GFUS: variants seen among roughly 807,000 people sequenced by gnomAD.
The protein encoded by GFUS is 3-5 epimerase/4-reductase.
Under a neutral mutation model 41.5 loss-of-function variants are expected in GFUS, and 42 were observed. The observed-to-expected ratio is 1.01, with a 90% CI of 0.79 to 1.31. The LOEUF (loss-of-function observed/expected upper bound fraction) is 1.31, where lower values mean the gene tolerates loss of function less well. GFUS is among the 50% of genes most tolerant of loss of function. The pLI, the probability that GFUS is intolerant of heterozygous loss-of-function variation, is 0.00. For synonymous variants in GFUS, 188 were observed against 173.4 expected (o/e 1.08, Z -0.66); for missense variants, 437 against 428.7 (o/e 1.02, Z -0.17).
At chr8:143,615,944 G>A (rs1412791401) in intron 3 of GFUS, 162 bp downstream of exon 3, 15 of 607,242 alleles carry the variant, frequency 2.5e-5, no homozygotes, top group Non-Finnish European at 4.0e-5. Context: ...GTGAGTGACT[G>A]GGGGTCCCTC....
intron 7 of GFUS, 100 bp from the exon 8 acceptor site, chr8:143,613,917 G>A (rs117356900): frequency 0.022 from 29,926 of 1,342,492 alleles, 451 homozygotes; most frequent in Non-Finnish European, 0.025. Flanking sequence ...GTTCAGTGGG[G>A]GCTCAGCCTG....
chr8:143,617,983 C>T (rs1402469694), upstream of GFUS: 1 of 152,328 alleles, frequency 6.6e-6, no homozygotes, highest in Non-Finnish European at 1.5e-5. Flanking sequence ...GTTGTCGTCC[C>T]AAGCACTTGC....
chr8:143,617,843 C>T (rs1829768994), upstream of GFUS: 1 of 152,150 alleles, frequency 6.6e-6, no homozygotes, highest in Non-Finnish European at 1.5e-5. Context: ...GGAGCCTCGC[C>T]GGCGCTGGGG....
intron 7 of GFUS, 35 bp from the exon 8 acceptor site, chr8:143,613,852 G>A: frequency 1.3e-6 from 2 of 1,549,052 alleles, no homozygotes; most frequent in South Asian, 2.4e-5. Context: ...GAGACCATGG[G>A]TATAGCCAAC....
chr8:143,614,494 C>A (rs746739387), intron 5 of GFUS, 41 bp from the exon 6 acceptor site: 1 of 1,584,486 alleles, frequency 6.3e-7, no homozygotes, highest in Non-Finnish European at 8.6e-7. Context: ...CCTGGGCCCG[C>A]GATCCCACCC....
Position 143,613,218 on chromosome 8 carries a change from G to C in GFUS, c.888C>G (p.Phe296Leu), listed in dbSNP as rs756303398. The change falls in exon 10 of 11, where the codon TTC (phenylalanine) becomes TTG (leucine). Residue 296 changes from phenylalanine to leucine, a missense_variant. By Grantham distance (22) the Phe-to-Leu change is conservative (BLOSUM62 0). Transcript: ENST00000425753. ...CACCCTGCTTGAAGGGTGTGAACCG[G>C]AAGTCGGGCAGGTAGGTCCTCAGCT... The part of the protein sequence containing the change: ...NSKLRTYLPD[F>L]RFTPFKQAVK... 5.0e-6 allele frequency: 8 copies of C among 1,613,916 alleles called. No homozygotes were observed. In the South Asian group the frequency reaches 6.6e-5, roughly 13 times the overall value.
chr8:143,613,407 G>C, intron 9 of GFUS, 112 bp from the exon 10 acceptor site: 1 of 1,479,562 alleles, frequency 6.8e-7, no homozygotes, highest in Non-Finnish European at 9.3e-7. Flanking sequence ...TCCTCCGCCT[G>C]CCAGGGTGAG....
Position 143,614,194 on chromosome 8 carries a change from C to A in GFUS, c.633G>T (p.Gly211=). The change falls in exon 7 of 11, where the codon GGG becomes GGT. Residue 211 remains glycine, a synonymous_variant. Transcript: ENST00000425753. ...AGTATATGAACTGCCTCCGCGGATT[C>A]CCTGTACCCCACACCGTCAGGGCCG... ...SGSALTVWGT[G]NPRRQFIYSL... The A allele has an allele frequency of 6.2e-7, 1 of 1,613,574 alleles. No homozygotes were observed. Among genetic ancestry groups the A allele is most frequent in the Non-Finnish European group, 8.5e-7 (1 of 1,180,024 alleles).
chr8:143,615,336 T>C (rs555163999), intron 3 of GFUS, among the ~76,000 whole-genome samples: 12 of 152,278 alleles, frequency 7.9e-5, no homozygotes, highest in African/African-American at 2.9e-4. Flanking sequence ...CCAGGATCAA[T>C]GGAGCCTGCG....
At position 143,612,706 on chromosome 8, in the gene GFUS, C is replaced by T. The variant is rs1587298349; in HGVS notation, c.*204G>A. 11 of 634,748 alleles carry T rather than the reference C, an allele frequency of 1.7e-5. No homozygotes were observed. Among genetic ancestry groups the T allele is most frequent in the Middle Eastern group, 4.2e-4 (1 of 2,370 alleles). The allele number at this position is 634,748 out of a possible 1,614,324, so 39.3% of individuals were successfully genotyped here. A position where few individuals can be genotyped will look rare whatever the true frequency, so the allele number is the denominator to read the frequency against. ...CAGGGGGCTGGTGTGGGGAGCAAAGCGCCGGGCCTGCCCGGGACCCTGGTT... is the reference window on the plus strand; with the variant it reads ...CAGGGGGCTGGTGTGGGGAGCAAAGTGCCGGGCCTGCCCGGGACCCTGGTT... On this transcript the variant is annotated 3_prime_UTR_variant, in exon 11 of 11. Coordinates refer to ENST00000425753, the MANE Select transcript of GFUS (RefSeq NM_003313.4).
At chr8:143,615,001 C>T (rs750428684) in intron 3 of GFUS, 86 bp from the exon 4 acceptor site, 58 of 1,524,030 alleles carry the variant, frequency 3.8e-5, no homozygotes, top group Non-Finnish European at 4.6e-5. Context: ...AGTGGAGACA[C>T]ACCCTGGCCC....
At chr8:143,615,504 G>A (rs1187538493) in intron 3 of GFUS, among the ~76,000 whole-genome samples, 2 of 152,176 alleles carry the variant, frequency 1.3e-5, no homozygotes, top group African/African-American at 4.8e-5. Flanking sequence ...GGGTGACAGG[G>A]CTCCTGGGCA....
intron 10 of GFUS, 35 bp from the exon 11 acceptor site, chr8:143,613,000 G>A: frequency 5.6e-6 from 9 of 1,602,882 alleles, no homozygotes; most frequent in East Asian, 4.5e-5. Context: ...CATGGACAGG[G>A]AGGGTCGGGG....
rs1364577193 is a variant in GFUS, at chr8:143,613,559, C to G, written c.775G>C (p.Val259Leu). The G allele has an allele frequency of 6.2e-7, 1 of 1,611,340 alleles. No individual in the cohort carries two copies. Among genetic ancestry groups the G allele is most frequent in the African/African-American group, 1.3e-5 (1 of 74,930 alleles). Residue 259 changes from valine (V) to leucine (L), a missense_variant, in exon 9 of 11, where the codon GTG (valine) becomes CTG (leucine). Val to Leu is a conservative substitution (Grantham distance 32). Transcript: ENST00000425753. ...CCATGGAAGTCCATGGCCTCCACCA[C>G]CGCCTCGGCTGCCTCCTTGATGGAG... ...EVSIKEAAEA[V>L]VEAMDFHGEV...
Position 143,613,547 on chromosome 8 carries a change from T to C in GFUS, c.787A>G (p.Met263Val). ...KEAAEAVVEA[M>V]DFHGEVTFDT... The stretch of plus-strand genomic sequence containing the variant: ...ACGGTGACTTCCCCATGGAAGTCCA[T>C]GGCCTCCACCACCGCCTCGGCTGCC... Residue 263 changes from methionine (M) to valine (V), a missense_variant, in exon 9 of 11, where the codon ATG becomes GTG. Coordinates refer to ENST00000425753, the MANE Select transcript of GFUS (RefSeq NM_003313.4). 1 of 1,611,162 alleles carries C rather than the reference T, an allele frequency of 6.2e-7. No individual in the cohort carries two copies. Among genetic ancestry groups the C allele is most frequent in the Admixed American group, 1.7e-5 (1 of 59,984 alleles).
Position 143,612,777 on chromosome 8 carries a change from G to A in GFUS, c.*133C>T. 1 of 1,146,952 alleles carries A rather than the reference G, an allele frequency of 8.7e-7. No homozygotes were observed. The highest frequency in any genetic ancestry group is 1.2e-6 in the Non-Finnish European group (1 of 809,122). 71.0% of individuals were successfully genotyped at this position (1,146,952 alleles called of 1,614,324 possible). On this transcript the variant is annotated 3_prime_UTR_variant, in exon 11 of 11. Coordinates refer to ENST00000425753, the MANE Select transcript of GFUS (RefSeq NM_003313.4). ...TGGGGGCCCCACTGGAAAGATGCTT[G>A]GGGCTGCAGAGCGGATGGAATGCAG...
Position 143,613,799 on chromosome 8 carries a change from TAA to T in GFUS, c.680_681del (p.Phe227TyrfsTer9). 1 of 1,550,640 alleles carries T rather than the reference TAA, an allele frequency of 6.4e-7. No homozygotes were observed. The highest frequency in any genetic ancestry group is 8.7e-7 in the Non-Finnish European group (1 of 1,146,952). On this transcript the variant is annotated frameshift_variant, in exon 8 of 11. Transcript: ENST00000425753. LOFTEE classifies it high-confidence loss of function. Reference sequence around the variant, plus strand: ...TCATTGTACTCCCGCAGGACCCAGATAAAGAGCTGGGCCAGGTCCTAGAGGTC... The same window carrying T: ...TCATTGTACTCCCGCAGGACCCAGATAGAGCTGGGCCAGGTCCTAGAGGTC... ...FIYSLDLAQLFIWVLREYNEV... is the reference protein window; with the variant it reads ...FIYSLDLAQLXIWVLREYNEV...
intron 7 of GFUS, 123 bp from the exon 8 acceptor site, chr8:143,613,940 C>A: frequency 8.2e-7 from 1 of 1,225,128 alleles, no homozygotes. Context: ...GAACAGGGGT[C>A]CCTCCTTTCT....
rs774995456 is a variant in GFUS, at chr8:143,613,757, G to A, written c.724C>T (p.Leu242Phe). 5 of 1,551,254 alleles carry A rather than the reference G, an allele frequency of 3.2e-6. No individual in the cohort carries two copies. The South Asian group carries it at 4.8e-5, about 15-fold the overall frequency. The change falls in exon 8 of 11, where the codon CTC becomes TTC. Residue 242 changes from leucine to phenylalanine, a missense_variant. Coordinates refer to ENST00000425753, the MANE Select transcript of GFUS (RefSeq NM_003313.4). ...TGAGGGCTGAGGTACCCACCGGAGAGGATGATGGGCTCCACTTCATTGTAC... is the reference window on the plus strand; with the variant it reads ...TGAGGGCTGAGGTACCCACCGGAGAAGATGATGGGCTCCACTTCATTGTAC... ...REYNEVEPII[L>F]SVGEEDEVSI... is the part of the protein sequence containing the mutation.
Sources: gnomAD v4.1 joint callset for allele counts (sites outside exome capture counted in the v4.1 genomes callset) on GRCh38, gnomAD v4.1.1 for gene constraint, MANE v1.5 for transcripts, NCBI Gene and HGNC (gene_info 2026-07-23, HGNC 2026-07-21) for gene names.